The following ABLIM1 variants were observed in gnomAD, a reference collection of about 807,000 sequenced individuals.
The protein encoded by ABLIM1 is actin binding LIM protein 1, also known as actin-binding LIM protein 1.
Under a neutral mutation model 107.0 loss-of-function variants are expected in ABLIM1, and 40 were observed. The ratio of observed to expected loss-of-function variants is 0.37; its 90% CI spans 0.29 to 0.49. The LOEUF (loss-of-function observed/expected upper bound fraction) is 0.49, where lower values mean the gene tolerates loss of function less well. ABLIM1 is among the 20% of genes least tolerant of loss of function. The pLI, the probability that ABLIM1 is intolerant of heterozygous loss-of-function variation, is 0.97. For synonymous variants in ABLIM1, 357 were observed against 357.3 expected, an observed-to-expected ratio of 1.00 and a Z score of 0.01; for missense variants, 857 against 1,008.5, an observed-to-expected ratio of 0.85 and a Z score of 2.04.
At chr10:114,437,787 G>T (rs1444389272) in intron 22 of ABLIM1, 57 bp downstream of exon 22, 7 of 1,426,000 alleles carry the variant, frequency 4.9e-6, no homozygotes, top group Non-Finnish European at 5.9e-6. Flanking sequence ...TTAGGGGAGA[G>T]TTGGGGGAGT....
intron 6 of ABLIM1, among the ~76,000 whole-genome samples, chr10:114,510,056 T>C (rs2061641845): frequency 6.6e-6 from 1 of 152,154 alleles, no homozygotes; most frequent in Non-Finnish European, 1.5e-5. Flanking sequence ...ATGATTCAAC[T>C]ACCTTCCACC....
chr10:114,775,468 A>T, the ABLIM1 span, among the ~76,000 whole-genome samples: 1 of 152,160 alleles, frequency 6.6e-6, no homozygotes, highest in Non-Finnish European at 1.5e-5. Flanking sequence ...GTTCCAAGAG[A>T]GAGGTGAGGC....
At chr10:114,735,120 T>C (rs1363458476) in intron 1 of ABLIM1, among the ~76,000 whole-genome samples, 2 of 152,092 alleles carry the variant, frequency 1.3e-5, no homozygotes, top group Non-Finnish European at 2.9e-5. Context: ...GATTCTTGAG[T>C]CCCTGACCTC....
At chr10:114,626,606 G>C (rs1218718623) in intron 1 of ABLIM1, among the ~76,000 whole-genome samples, 1 of 151,976 alleles carries the variant, frequency 6.6e-6, no homozygotes, top group Non-Finnish European at 1.5e-5. Flanking sequence ...ATCCACATCC[G>C]ATTCCACTCT....
intron 19 of ABLIM1, 139 bp downstream of exon 19, chr10:114,440,878 C>A: frequency 1.2e-6 from 1 of 852,850 alleles, no homozygotes; most frequent in Non-Finnish European, 2.0e-6. Flanking sequence ...AATAATTGCC[C>A]TATTAGCTCA....
the ABLIM1 span, among the ~76,000 whole-genome samples, chr10:114,780,802 A>G: frequency 6.6e-6 from 1 of 152,158 alleles, no homozygotes; most frequent in Non-Finnish European, 1.5e-5. Flanking sequence ...AACAAGGCCT[A>G]GGAGTTTGAG....
At chr10:114,577,366 G>T (rs143823322) in intron 2 of ABLIM1, among the ~76,000 whole-genome samples, 12 of 152,124 alleles carry the variant, frequency 7.9e-5, no homozygotes, top group African/African-American at 2.9e-4. Flanking sequence ...CCTGAGAAGT[G>T]ACACAACAAT....
At chr10:114,556,922 G>A (rs980630897) in intron 4 of ABLIM1, among the ~76,000 whole-genome samples, 2 of 152,154 alleles carry the variant, frequency 1.3e-5, no homozygotes, top group Non-Finnish European at 2.9e-5. Context: ...AAAACAGAAT[G>A]TGAAACCGCA....
At chr10:114,476,175 C>T (rs1195172275) in intron 8 of ABLIM1, among the ~76,000 whole-genome samples, 1 of 152,314 alleles carries the variant, frequency 6.6e-6, no homozygotes, top group South Asian at 2.1e-4. Flanking sequence ...GGAGAAATCA[C>T]ACCACACCCA....
intron 1 of ABLIM1, among the ~76,000 whole-genome samples, chr10:114,646,707 G>A (rs945285586): frequency 7.9e-5 from 12 of 152,182 alleles, no homozygotes; most frequent in Non-Finnish European, 1.5e-5. Context: ...CAGGAGGTTG[G>A]CTGGGCTCAA....
chr10:114,477,318 G>T (rs1339478741), intron 8 of ABLIM1, among the ~76,000 whole-genome samples: 1 of 152,184 alleles, frequency 6.6e-6, no homozygotes, highest in African/African-American at 2.4e-5. Flanking sequence ...CACTGCAATA[G>T]CTCACTGGGT....
chr10:114,532,299 C>T (rs2065534415), intron 6 of ABLIM1, among the ~76,000 whole-genome samples: 1 of 152,218 alleles, frequency 6.6e-6, no homozygotes, highest in Admixed American at 6.5e-5. Flanking sequence ...CAAACTTTCC[C>T]TTTTTGGGAG....
chr10:114,565,784 A>ATTTTT (rs1591259635), intron 4 of ABLIM1, among the ~76,000 whole-genome samples: 55 of 74,554 alleles, frequency 7.4e-4, no homozygotes, highest in Middle Eastern at 9.3e-3. Flanking sequence ...ATCTGAAATG[A>ATTTTT]TTTCTTTTTT....
At chr10:114,452,153 C>T (rs2062013268) in intron 13 of ABLIM1, among the ~76,000 whole-genome samples, 1 of 151,816 alleles carries the variant, frequency 6.6e-6, no homozygotes, top group South Asian at 2.1e-4. Context: ...TTAAAAAAAA[C>T]AGAAACTTTT....
chr10:114,742,642 A>G (rs541190897), intron 1 of ABLIM1, among the ~76,000 whole-genome samples: 2 of 152,144 alleles, frequency 1.3e-5, no homozygotes, highest in African/African-American at 4.8e-5. Context: ...AATATTATCT[A>G]CCTCAGCCAG....
At chr10:114,751,485 C>A (rs808307) in intron 1 of ABLIM1, among the ~76,000 whole-genome samples, 1 of 151,782 alleles carries the variant, frequency 6.6e-6, no homozygotes, top group South Asian at 2.1e-4. Flanking sequence ...GTCACAAGCA[C>A]CATTAAAAAT....
At chr10:114,773,757 C>T in the ABLIM1 span, among the ~76,000 whole-genome samples, 1 of 151,924 alleles carries the variant, frequency 6.6e-6, no homozygotes, top group Non-Finnish European at 1.5e-5. Flanking sequence ...ATTGCATGAA[C>T]AGCAAAAATA....
At chr10:114,701,679 T>C (rs2081310890) in intron 1 of ABLIM1, among the ~76,000 whole-genome samples, 1 of 152,148 alleles carries the variant, frequency 6.6e-6, no homozygotes. Context: ...GTGCGTAGTA[T>C]ATGAGTCAAT....
chr10:114,596,968 G>A (rs1431092960), intron 2 of ABLIM1, among the ~76,000 whole-genome samples: 2 of 152,108 alleles, frequency 1.3e-5, no homozygotes, highest in African/African-American at 2.4e-5. Flanking sequence ...GGAATTCCAG[G>A]GAGAAAGCTT....
Sources: allele counts gnomAD v4.1 joint callset (sites outside exome capture counted in the v4.1 genomes callset), GRCh38; gene constraint gnomAD v4.1.1; transcripts MANE v1.5; gene names NCBI Gene and HGNC (gene_info 2026-07-23, HGNC 2026-07-21).